Variants in TCTN1 observed in about 807,000 individuals in gnomAD.
The protein encoded by TCTN1 is tectonic-1.
In TCTN1, 58 loss-of-function variants were observed where a neutral mutation model predicts 65.8. The observed-to-expected ratio is 0.88, with a 90% confidence interval of 0.71 to 1.10. The LOEUF (loss-of-function observed/expected upper bound fraction) is 1.10. Among genes scored for constraint, TCTN1 ranks in the 50% least tolerant of loss-of-function variants. TCTN1 has a pLI of 0.00. For synonymous variants in TCTN1, 273 were observed against 289.1 expected (o/e 0.94, Z 0.57); for missense variants, 645 against 719.4 (o/e 0.90, Z 1.18).
chr12:110,647,379 C>T, intron 13 of TCTN1, 43 bp downstream of exon 13: 1 of 1,611,252 alleles, frequency 6.2e-7, no homozygotes, highest in Non-Finnish European at 8.5e-7. Context: ...AGACAGAAGT[C>T]TAGACACAAC....
chr12:110,624,134 C>T (rs540686062), intron 2 of TCTN1, among the ~76,000 whole-genome samples: 2 of 151,230 alleles, frequency 1.3e-5, no homozygotes, highest in Non-Finnish European at 2.9e-5. Context: ...GTGGCCCAGG[C>T]TGGTCTTGAA....
At chr12:110,643,186 A>T (rs1168551089) in intron 11 of TCTN1, among the ~76,000 whole-genome samples, 2 of 151,756 alleles carry the variant, frequency 1.3e-5, no homozygotes, top group African/African-American at 4.8e-5. Context: ...TACAGGTGTG[A>T]GCCACTGTGC....
Position 110,640,455 on chromosome 12 carries a change from G to A in TCTN1, c.916G>A (p.Val306Met). ...KTLTRREDTD[V>M]LQPTLVNAGH... Reference sequence around the variant, plus strand: ...GCTCACCCGACGGGAGGACACTGATGTGCTGCAGCCGACTCTCGTCAACGC... The same window carrying A: ...GCTCACCCGACGGGAGGACACTGATATGCTGCAGCCGACTCTCGTCAACGC... The change falls in exon 8 of 15, where the codon GTG becomes ATG. Residue 306 changes from valine (V) to methionine (M), a missense_variant. Coordinates refer to ENST00000397659, the MANE Select transcript of TCTN1 (RefSeq NM_001082538.3). This position sits in a 1 kb window ranked among gnomAD's most constrained non-coding sequence, Gnocchi z 4.9. 6.2e-7 allele frequency: 1 copy of A among 1,614,232 alleles called. No individual in the cohort carries two copies. Among genetic ancestry groups the A allele is most frequent in the Non-Finnish European group, 8.5e-7 (1 of 1,180,044 alleles).
rs1235790386 is a variant in TCTN1 at position 110,640,222 on chromosome 12, A to C, written c.844-161A>C. 7.4e-6 allele frequency: 6 copies of C among 812,198 alleles called. No homozygotes were observed. Among genetic ancestry groups the C allele is most frequent in the Non-Finnish European group, 1.2e-5 (6 of 491,960 alleles). The allele number at this position is 812,198 out of a possible 1,614,324, so 50.3% of individuals were successfully genotyped here. A position where few individuals can be genotyped will look rare whatever the true frequency, so the allele number is the denominator to read the frequency against. On this transcript the variant is annotated intron_variant, in intron 7 of 14. Coordinates refer to ENST00000397659, the MANE Select transcript of TCTN1 (RefSeq NM_001082538.3). The surrounding 1 kb of genome is among the most constrained non-coding windows in gnomAD (Gnocchi z 4.9). ...TTTCTTTGTGAATGTATATATGTTTATTACTTTTGCAAATGTGGATCATAG... is the reference window on the plus strand; with the variant it reads ...TTTCTTTGTGAATGTATATATGTTTCTTACTTTTGCAAATGTGGATCATAG...
intron 3 of TCTN1, 117 bp downstream of exon 3, chr12:110,626,609 T>A: frequency 4.5e-6 from 5 of 1,120,600 alleles, no homozygotes; most frequent in South Asian, 1.4e-5. Context: ...AGACAGAGTC[T>A]TGCTCTGTCA....
chr12:110,638,891 C>G (rs1309147858), intron 7 of TCTN1, among the ~76,000 whole-genome samples: 1 of 152,208 alleles, frequency 6.6e-6, no homozygotes, highest in Non-Finnish European at 1.5e-5. Flanking sequence ...CTAGGACCCC[C>G]TCCATGCTGA....
chr12:110,636,400 C>T, intron 6 of TCTN1, 81 bp from the exon 7 acceptor site: 2 of 977,980 alleles, frequency 2.0e-6, no homozygotes, highest in Non-Finnish European at 3.2e-6. Flanking sequence ...ATATACTCTT[C>T]AACTCGAGAT....
At chr12:110,628,693 A>C in intron 3 of TCTN1, 74 bp from the exon 4 acceptor site, 1 of 1,358,576 alleles carries the variant, frequency 7.4e-7, no homozygotes, top group Non-Finnish European at 1.0e-6. Flanking sequence ...AACTTTCCAA[A>C]ACCTTTATAT....
Position 110,647,137 on chromosome 12 carries a change from ACT to A in TCTN1, c.1495-56_1495-55del. 1.9e-5 allele frequency: 31 copies of A among 1,599,792 alleles called. 1 individual carries two copies. In the South Asian group the frequency reaches 3.3e-4, roughly 17 times the overall value. On this transcript the variant is annotated intron_variant, in intron 12 of 14. Coordinates refer to ENST00000397659, the MANE Select transcript of TCTN1 (RefSeq NM_001082538.3). ...ATATGTGAAACCTTTTATAATTAAA[ACT>A]CTGAACTGCAGATTAAGTCTGACTT...
At chr12:110,634,510 C>T in intron 5 of TCTN1, 160 bp from the exon 6 acceptor site, 2 of 654,036 alleles carry the variant, frequency 3.1e-6, no homozygotes, top group Non-Finnish European at 2.7e-6. Flanking sequence ...AACCTTGTCT[C>T]TACTAAAAAA....
intron 7 of TCTN1, among the ~76,000 whole-genome samples, chr12:110,637,115 G>A (rs1444982573): frequency 1.3e-5 from 2 of 152,238 alleles, no homozygotes; most frequent in Non-Finnish European, 2.9e-5. Flanking sequence ...ATGGAGGCCT[G>A]AGTTGGTGGC....
Position 110,640,850 on chromosome 12 carries a change from C to G in TCTN1, c.979-174C>G, listed in dbSNP as rs1025717423. Among the ~76,000 whole-genome samples, 5 of 152,226 alleles carry G rather than the reference C, an allele frequency of 3.3e-5. No homozygotes were observed. The highest frequency in any genetic ancestry group is 3.3e-4 in the Admixed American group (5 of 15,278). On this transcript the variant is annotated intron_variant, in intron 8 of 14. Coordinates refer to ENST00000397659, the MANE Select transcript of TCTN1 (RefSeq NM_001082538.3). The surrounding 1 kb of genome is among the most constrained non-coding windows in gnomAD (Gnocchi z 4.9). The stretch of plus-strand genomic sequence containing the variant: ...GGCAGAGTGGCTCAGATGACCCTGT[C>G]TGCTAGGGGTGGTGCTGAGGGAACA...
At position 110,628,813 on chromosome 12, in the gene TCTN1, C is replaced by T. The variant is rs778411864; in HGVS notation, c.519C>T (p.Asn173=). The T allele has an allele frequency of 6.2e-7, 1 of 1,612,348 alleles. No individual in the cohort carries two copies. Among genetic ancestry groups the T allele is most frequent in the Non-Finnish European group, 8.5e-7 (1 of 1,178,892 alleles). ...TTAATCCAGAAGTACCTGATGAAAA[C>T]AATTTTGATACATTGATGAAAACAT... is the stretch of plus-strand genomic sequence containing the variant. The part of the protein sequence containing the change: ...SFINPEVPDE[N]NFDTLMKTSD... Residue 173 remains asparagine, a synonymous_variant, in exon 4 of 15, where the codon AAC becomes AAT. Transcript: ENST00000397659.
intron 4 of TCTN1, 37 bp from the exon 5 acceptor site, chr12:110,632,431 TTTAA>T (rs1214095663): frequency 1.2e-6 from 2 of 1,607,826 alleles, no homozygotes; most frequent in Non-Finnish European, 1.7e-6. Context: ...GAATGAATAC[TTTAA>T]TTACACCATA....
Position 110,615,449 on chromosome 12 carries a change from C to T in TCTN1, c.220+1047C>T, listed in dbSNP as rs138071736. ...CCGATTGTGTGAATTGAGAGTAACCCCAATAGATATGCAGTACTTTTAATC... is the reference window on the plus strand; with the variant it reads ...CCGATTGTGTGAATTGAGAGTAACCTCAATAGATATGCAGTACTTTTAATC... On this transcript the variant is annotated intron_variant, in intron 1 of 14. Coordinates refer to ENST00000397659, the MANE Select transcript of TCTN1 (RefSeq NM_001082538.3). Among the ~76,000 whole-genome samples, 637 of 152,176 alleles carry T rather than the reference C, an allele frequency of 4.2e-3. 5 individuals carry two copies. Among genetic ancestry groups the T allele is most frequent in the African/African-American group, 0.015 (606 of 41,518 alleles).
Position 110,647,323 on chromosome 12 carries a change from C to T in TCTN1, c.1622C>T (p.Ser541Phe), listed in dbSNP as rs752953090. The change falls in exon 13 of 15, where the codon TCC (serine) becomes TTC (phenylalanine). Residue 541 changes from serine to phenylalanine, a missense_variant. Transcript: ENST00000397659. ...AATGTAACTGCAAATCTAATTTCAT[C>T]CTCCTTTCCTGAGGTAGGCCTAACC... is the stretch of plus-strand genomic sequence containing the variant. ...IVNVTANLIS[S>F]SFPEANSGNE... 26 of 1,614,196 alleles carry T rather than the reference C, an allele frequency of 1.6e-5. No individual in the cohort carries two copies. In the Admixed American group the frequency reaches 4.3e-4, roughly 27 times the overall value.
In TCTN1 at chr12:110,641,545, A is replaced by G. The variant is rs2136135573; in HGVS notation, c.1108A>G (p.Asn370Asp). 1 of 1,614,190 alleles carries G rather than the reference A, an allele frequency of 6.2e-7. No individual in the cohort carries two copies. Among genetic ancestry groups the G allele is most frequent in the Non-Finnish European group, 8.5e-7 (1 of 1,179,992 alleles). The change falls in exon 10 of 15, where the codon AAT becomes GAT. Residue 370 changes from asparagine (N) to aspartate (D), a missense_variant. Coordinates refer to ENST00000397659, the MANE Select transcript of TCTN1 (RefSeq NM_001082538.3). The stretch of plus-strand genomic sequence containing the variant: ...GCATTTCTGCATTGTCTTTCAGGAA[A>G]ATACCCAGCCAGTCCCTCTCAGTGG... Reference protein sequence around the residue: ...QKFEIHFLQENTQPVPLSGNP... With the variant: ...QKFEIHFLQEDTQPVPLSGNP...
intron 2 of TCTN1, among the ~76,000 whole-genome samples, chr12:110,621,179 A>C (rs1326318034): frequency 6.6e-6 from 1 of 152,208 alleles, no homozygotes; most frequent in Non-Finnish European, 1.5e-5. Flanking sequence ...TAGTATTCAG[A>C]GATAGCTAAT....
rs372311032 is a variant in TCTN1 at position 110,645,090 on chromosome 12, G to A, written c.1455G>A (p.Trp485Ter). The A allele has an allele frequency of 9.9e-6, 16 of 1,614,000 alleles. No individual in the cohort carries two copies. Among genetic ancestry groups the A allele is most frequent in the African/African-American group, 5.3e-5 (4 of 74,912 alleles). ...GNSQAQDMLD[W>*]VPIHFITQSF... ...CCCAGGCCCAGGACATGCTGGACTG[G>A]GTGCCCATCCACTTCATCACCCAGT... The change falls in exon 12 of 15, where the codon TGG becomes TGA. Residue 485 changes from tryptophan (W) to a stop codon, truncating the protein, a stop_gained. Coordinates refer to ENST00000397659, the MANE Select transcript of TCTN1 (RefSeq NM_001082538.3). LOFTEE classifies it high-confidence loss of function.
Sources: gnomAD v4.1 joint callset for allele counts (sites outside exome capture counted in the v4.1 genomes callset) on GRCh38, gnomAD v4.1.1 for gene constraint, Gnocchi (gnomAD v3.1) non-coding constraint, MANE v1.5 for transcripts, NCBI Gene and HGNC (gene_info 2026-07-23, HGNC 2026-07-21) for gene names.